The following TAFA2 variants were observed in gnomAD, a reference collection of about 807,000 sequenced individuals.
TAFA2 encodes TAFA chemokine like family member 2, also known as chemokine-like protein TAFA-2.
TAFA2 carries 7 observed loss-of-function variants against 18.8 expected under a neutral mutation model. The observed-to-expected ratio is 0.37, with a 90% confidence interval of 0.21 to 0.70. The LOEUF is 0.70. Ranked by LOEUF, TAFA2 falls within the 30% of genes least tolerant of loss-of-function variation. TAFA2 has a pLI of 0.53. For synonymous variants in TAFA2, 60 were observed against 54.2 expected (o/e 1.11, Z -0.47); for missense variants, 122 against 158.1 (o/e 0.77, Z 1.23).
At chr12:61,821,597 C>G (rs1156883012) in intron 2 of TAFA2, among the ~76,000 whole-genome samples, 1 of 152,056 alleles carries the variant, frequency 6.6e-6, no homozygotes, top group African/African-American at 2.4e-5. Flanking sequence ...GAAACTGTCT[C>G]TGCATCATTT....
At chr12:62,165,541 A>T (rs571239356) in intron 1 of TAFA2, among the ~76,000 whole-genome samples, 1 of 152,236 alleles carries the variant, frequency 6.6e-6, no homozygotes, top group East Asian at 1.9e-4. Context: ...ATATTATCTC[A>T]AAATTACCAT....
chr12:61,760,706 A>G (rs746314584), intron 2 of TAFA2, among the ~76,000 whole-genome samples: 2 of 151,870 alleles, frequency 1.3e-5, no homozygotes, highest in Non-Finnish European at 2.9e-5. Flanking sequence ...ATTCAGACAG[A>G]GCTTGTGATA....
At chr12:62,191,181 C>A (rs1265087086) in intron 1 of TAFA2, 78 bp downstream of exon 1, 1 of 152,140 alleles carries the variant, frequency 6.6e-6, no homozygotes, top group Non-Finnish European at 1.5e-5. Context: ...CACACGGGGG[C>A]TTCCGGGACC....
At chr12:62,227,736 C>A (rs1036328350) in intron 1 of TAFA2, among the ~76,000 whole-genome samples, 1 of 152,190 alleles carries the variant, frequency 6.6e-6, no homozygotes, top group South Asian at 2.1e-4. Context: ...GTTTTCTTCT[C>A]ATAGTCTCAA....
intron 1 of TAFA2, among the ~76,000 whole-genome samples, chr12:62,122,366 G>T (rs1274750062): frequency 2.0e-5 from 3 of 152,088 alleles, no homozygotes; most frequent in Admixed American, 2.0e-4. Flanking sequence ...AAGCCTAATG[G>T]AATATTTCTA....
chr12:62,112,097 A>G (rs146941284), intron 1 of TAFA2, among the ~76,000 whole-genome samples: 3,471 of 152,122 alleles, frequency 0.023, 54 homozygotes, highest in Non-Finnish European at 0.036. Flanking sequence ...GGTCTTTACA[A>G]TTTGGTGTGT....
At chr12:62,176,524 C>T (rs1167380380) in intron 1 of TAFA2, among the ~76,000 whole-genome samples, 1 of 152,110 alleles carries the variant, frequency 6.6e-6, no homozygotes, top group East Asian at 1.9e-4. Flanking sequence ...CACACTTTGG[C>T]TCACATTTAT....
At chr12:61,934,473 T>G (rs1877684956) in intron 1 of TAFA2, among the ~76,000 whole-genome samples, 1 of 152,244 alleles carries the variant, frequency 6.6e-6, no homozygotes, top group Non-Finnish European at 1.5e-5. Flanking sequence ...CAGGAATTAA[T>G]GTTGAGTCCA....
intron 1 of TAFA2, among the ~76,000 whole-genome samples, chr12:62,201,470 C>A (rs750763376): frequency 6.6e-6 from 1 of 152,122 alleles, no homozygotes. Flanking sequence ...TCAGCAAAAG[C>A]CTTTTCCTAT....
chr12:62,008,491 C>A (rs772089300), intron 1 of TAFA2, among the ~76,000 whole-genome samples: 1 of 152,028 alleles, frequency 6.6e-6, no homozygotes, highest in South Asian at 2.1e-4. Context: ...TAGTACCTAC[C>A]ATTTTTTTGT....
intron 2 of TAFA2, among the ~76,000 whole-genome samples, chr12:61,784,178 C>A (rs1344445988): frequency 6.6e-6 from 1 of 151,428 alleles, no homozygotes; most frequent in Non-Finnish European, 1.5e-5. Flanking sequence ...AGAAATAAGA[C>A]CCCTCTTTAC....
chr12:61,982,403 C>A (rs1023016360), intron 1 of TAFA2, among the ~76,000 whole-genome samples: 1 of 151,926 alleles, frequency 6.6e-6, no homozygotes, highest in African/African-American at 2.4e-5. Context: ...CAAACCTGCA[C>A]GTTGTGCACA....
chr12:62,135,630 A>G (rs1870864427), intron 1 of TAFA2, among the ~76,000 whole-genome samples: 1 of 152,170 alleles, frequency 6.6e-6, no homozygotes, highest in African/African-American at 2.4e-5. Context: ...AAACAACAAA[A>G]TTAAACAAGG....
In TAFA2 at chr12:62,256,699, C is replaced by T. The variant is rs2062940804; in HGVS notation, c.-130+2064G>A. Among the ~76,000 whole-genome samples the T allele has an allele frequency of 2.6e-5, 4 of 152,278 alleles. No homozygotes were observed. In the South Asian group the frequency reaches 8.3e-4, roughly 32 times the overall value. ...TATATTTTCATTCTCTTTTTCAGAA[C>T]CTAACATTTGTCTGAAATAAGGACC... On this transcript the variant is annotated intron_variant, in intron 1 of 5. Coordinates refer to the TAFA2 transcript ENST00000551619.
chr12:62,206,730 G>A (rs1405722285), intron 1 of TAFA2, among the ~76,000 whole-genome samples: 1 of 152,034 alleles, frequency 6.6e-6, no homozygotes, highest in Non-Finnish European at 1.5e-5. Flanking sequence ...CTCCCACCTT[G>A]GCCTCCCAAA....
At chr12:62,113,603 C>G (rs1388364731) in intron 1 of TAFA2, among the ~76,000 whole-genome samples, 3 of 152,188 alleles carry the variant, frequency 2.0e-5, no homozygotes, top group Non-Finnish European at 4.4e-5. Context: ...GCTGCCCCTT[C>G]CCCCAGGTGC....
intron 2 of TAFA2, among the ~76,000 whole-genome samples, chr12:61,851,833 A>G (rs1375712872): frequency 7.0e-6 from 1 of 142,378 alleles, no homozygotes; most frequent in Non-Finnish European, 1.6e-5. Flanking sequence ...TTCTAAGTAG[A>G]GAAATAAAAT....
intron 1 of TAFA2, among the ~76,000 whole-genome samples, chr12:62,070,000 T>C (rs1242400179): frequency 6.6e-6 from 1 of 152,200 alleles, no homozygotes; most frequent in East Asian, 1.9e-4. Flanking sequence ...GGGAGTAATA[T>C]TAATTCATCC....
Position 61,949,385 on chromosome 12 carries a change from C to A in TAFA2, c.-1-81959G>T, listed in dbSNP as rs578085506. Reference sequence around the variant, plus strand: ...GGCCTTTGGACTCAGACAGGAGTCACACCATCAACTCTCCCAGGTCTCCAG... The same window carrying A: ...GGCCTTTGGACTCAGACAGGAGTCAAACCATCAACTCTCCCAGGTCTCCAG... On this transcript the variant is annotated intron_variant, in intron 1 of 4. Transcript: ENST00000416284. 2.6e-5 allele frequency among the ~76,000 whole-genome samples: 4 copies of A among 152,212 alleles called. No individual in the cohort carries two copies. The South Asian group carries it at 8.3e-4, about 32-fold the overall frequency.
Sources: gnomAD v4.1 joint callset for allele counts (sites outside exome capture counted in the v4.1 genomes callset) on GRCh38, gnomAD v4.1.1 for gene constraint, MANE v1.5 for transcripts, NCBI Gene and HGNC (gene_info 2026-07-23, HGNC 2026-07-21) for gene names.